TMEM236: variants seen among roughly 807,000 people sequenced by gnomAD.
TMEM236 encodes transmembrane protein 236.
In TMEM236, 11 loss-of-function variants were observed where a neutral mutation model predicts 14.7. The ratio of observed to expected loss-of-function variants is 0.75; its 90% confidence interval spans 0.47 to 1.24. The LOEUF (loss-of-function observed/expected upper bound fraction) is 1.24, where lower values mean the gene tolerates loss of function less well. Ranked by LOEUF, TMEM236 falls within the 50% of genes most tolerant of loss-of-function variation. The pLI, the probability that TMEM236 is intolerant of heterozygous loss-of-function variation, is 0.00. For synonymous variants in TMEM236, 182 were observed against 168.6 expected (o/e 1.08, Z -0.62); for missense variants, 464 against 427.3 (o/e 1.09, Z -0.76).
At chr10:17,762,808 T>C (rs1837398123) in intron 1 of TMEM236, among the ~76,000 whole-genome samples, 1 of 151,418 alleles carries the variant, frequency 6.6e-6, no homozygotes, top group African/African-American at 2.4e-5. Flanking sequence ...GTGTGCACTA[T>C]GACACCTGAC....
At chr10:17,786,354 G>A (rs1486768570) in intron 3 of TMEM236, among the ~76,000 whole-genome samples, 1 of 152,158 alleles carries the variant, frequency 6.6e-6, no homozygotes, top group Admixed American at 6.5e-5. Context: ...ATGTGTGGAT[G>A]TTCTTTTTCT....
chr10:17,785,265 A>G (rs879806090), intron 3 of TMEM236, among the ~76,000 whole-genome samples: 59,448 of 151,896 alleles, frequency 0.39, 12,834 homozygotes, highest in African/African-American at 0.6. Context: ...TGTCTTCACT[A>G]TACATATGCA....
rs1838046189 is a variant in TMEM236, at chr10:17,798,164, A to C, written c.*1660A>C. The stretch of plus-strand genomic sequence containing the variant: ...AGAGGCTGATAATGCAAGAGTAATG[A>C]TTTATGTAGCCAGTTTCTTCAATGA... On this transcript the variant is annotated 3_prime_UTR_variant, in exon 4 of 4. Coordinates refer to ENST00000377495, the MANE Select transcript of TMEM236 (RefSeq NM_001098844.3). The C allele has an allele frequency of 5.0e-6, 1 of 198,718 alleles. No homozygotes were observed. The highest frequency in any genetic ancestry group is 1.0e-5 in the Non-Finnish European group (1 of 96,786). The allele number at this position is 198,718 out of a possible 1,614,324, so 12.3% of individuals were successfully genotyped here.
intron 1 of TMEM236, among the ~76,000 whole-genome samples, chr10:17,764,973 T>C (rs1279292403): frequency 3.3e-5 from 5 of 151,226 alleles, no homozygotes; most frequent in Non-Finnish European, 7.4e-5. Flanking sequence ...AGGCGCGCAC[T>C]ACCATGCCAA....
At chr10:17,771,150 T>A in intron 1 of TMEM236, 159 bp from the exon 2 acceptor site, 1 of 689,658 alleles carries the variant, frequency 1.4e-6, no homozygotes, top group Non-Finnish European at 2.6e-6. Flanking sequence ...CGTGTTCCTC[T>A]TTGCCATATG....
intron 3 of TMEM236, among the ~76,000 whole-genome samples, chr10:17,786,574 C>G (rs1049951355): frequency 1.4e-4 from 21 of 152,298 alleles, no homozygotes; most frequent in African/African-American, 5.1e-4. Context: ...ATAGTAAGGT[C>G]CTATCTAGAA....
rs1272776599 is a variant in TMEM236, at chr10:17,798,731, C to T, written c.*2227C>T. ...AGGTTCTATAACCTCTGTGGGTCCCCGTTTCCACATGTAAAAGATGAACAT... is the reference window on the plus strand; with the variant it reads ...AGGTTCTATAACCTCTGTGGGTCCCTGTTTCCACATGTAAAAGATGAACAT... On this transcript the variant is annotated 3_prime_UTR_variant, in exon 4 of 4. Transcript: ENST00000377495. 12 of 532,818 alleles carry T rather than the reference C, an allele frequency of 2.3e-5. No homozygotes were observed. Among genetic ancestry groups the T allele is most frequent in the African/African-American group, 5.8e-5 (3 of 51,710 alleles). The allele number at this position is 532,818 out of a possible 1,614,324, so 33.0% of individuals were successfully genotyped here.
rs1838002645 is a variant in TMEM236, at chr10:17,795,819, T to C, written c.473-102T>C. On this transcript the variant is annotated intron_variant, in intron 3 of 3. Coordinates refer to ENST00000377495, the MANE Select transcript of TMEM236 (RefSeq NM_001098844.3). ...AAATTAAGTGAAAAACAAAAGAATA[T>C]GGAGAATTCCACCTTTAAATGGAAT... 5.9e-6 allele frequency: 7 copies of C among 1,185,538 alleles called. No individual in the cohort carries two copies. In the African/African-American group the frequency reaches 7.7e-5, roughly 13 times the overall value. The allele number at this position is 1,185,538 out of a possible 1,614,324, so 73.4% of individuals were successfully genotyped here.
In TMEM236 at chr10:17,771,400, C is replaced by T; in HGVS notation, c.330+19C>T. On this transcript the variant is annotated intron_variant, in intron 2 of 3. Coordinates refer to ENST00000377495, the MANE Select transcript of TMEM236 (RefSeq NM_001098844.3). Reference sequence around the variant, plus strand: ...GACTGAGGTATGGAATTTTTGATTTCTTCTGCTACAAGATTATGAGATTTT... The same window carrying T: ...GACTGAGGTATGGAATTTTTGATTTTTTCTGCTACAAGATTATGAGATTTT... 3.1e-6 allele frequency: 5 copies of T among 1,608,120 alleles called. No homozygotes were observed. In the South Asian group the frequency reaches 5.5e-5, roughly 18 times the overall value.
chr10:17,785,307 G>T (rs1387786487), intron 3 of TMEM236, among the ~76,000 whole-genome samples: 1 of 152,146 alleles, frequency 6.6e-6, no homozygotes, highest in African/African-American at 2.4e-5. Flanking sequence ...CAGACTGGAA[G>T]ACAGAACCTG....
intron 3 of TMEM236, among the ~76,000 whole-genome samples, chr10:17,780,378 G>C (rs34816529): frequency 0.073 from 11,110 of 152,180 alleles, 687 homozygotes; most frequent in East Asian, 0.18. Flanking sequence ...TGATTAGAGA[G>C]AGAGTTTTCA....
intron 1 of TMEM236, 39 bp downstream of exon 1, chr10:17,752,591 G>A (rs1589136336): frequency 6.3e-7 from 1 of 1,599,096 alleles, no homozygotes; most frequent in East Asian, 2.2e-5. Context: ...TTTTGATTTG[G>A]AGTCTCGCTC....
At chr10:17,787,817 A>G (rs907216379) in intron 3 of TMEM236, among the ~76,000 whole-genome samples, 6 of 152,162 alleles carry the variant, frequency 3.9e-5, no homozygotes, top group South Asian at 2.1e-4. Context: ...TAAGAATGCA[A>G]TGACTCAGGT....
At chr10:17,786,668 G>C (rs957868512) in intron 3 of TMEM236, among the ~76,000 whole-genome samples, 2 of 152,164 alleles carry the variant, frequency 1.3e-5, no homozygotes, top group South Asian at 2.1e-4. Context: ...GTGCATAGGT[G>C]GGGGGACTGG....
chr10:17,773,749 C>A (rs911464931), intron 2 of TMEM236, among the ~76,000 whole-genome samples: 2 of 152,104 alleles, frequency 1.3e-5, no homozygotes, highest in Non-Finnish European at 2.9e-5. Flanking sequence ...TTTCATCTTG[C>A]CCATTTTTTA....
At chr10:17,791,450 G>A (rs926504643) in intron 3 of TMEM236, among the ~76,000 whole-genome samples, 2 of 152,044 alleles carry the variant, frequency 1.3e-5, no homozygotes, top group East Asian at 1.9e-4. Flanking sequence ...AGAGCAAGAC[G>A]CTGTCTCTAA....
At chr10:17,792,728 G>C (rs1376520891) in intron 3 of TMEM236, among the ~76,000 whole-genome samples, 1 of 152,140 alleles carries the variant, frequency 6.6e-6, no homozygotes, top group Non-Finnish European at 1.5e-5. Context: ...AGGGCCATGT[G>C]AGCCTCTCAG....
rs1837653337 is a variant in TMEM236 at position 17,776,040 on chromosome 10, C to A, written c.342C>A (p.Ser114Arg). Residue 114 changes from serine (S) to arginine (R), a missense_variant, in exon 3 of 4, where the codon AGC (serine) becomes AGA (arginine). Coordinates refer to ENST00000377495, the MANE Select transcript of TMEM236 (RefSeq NM_001098844.3). Reference sequence around the variant, plus strand: ...TTTTCTCTAAACAGGTTCAAAAGAGCATTAATGGGTCCGCTGATGTCTTAC... The same window carrying A: ...TTTTCTCTAAACAGGTTCAAAAGAGAATTAATGGGTCCGCTGATGTCTTAC... ...FSIAVTEVQK[S>R]INGSADVLPD... is the part of the protein sequence containing the mutation. The A allele has an allele frequency of 1.9e-6, 3 of 1,613,710 alleles. No individual in the cohort carries two copies. The highest frequency in any genetic ancestry group is 2.5e-6 in the Non-Finnish European group (3 of 1,179,810).
intron 3 of TMEM236, among the ~76,000 whole-genome samples, chr10:17,791,328 C>T (rs1837921326): frequency 6.6e-6 from 1 of 150,502 alleles, no homozygotes; most frequent in African/African-American, 2.4e-5. Flanking sequence ...TGTGGTGGTG[C>T]AAGCCTGTAG....
Sources: gnomAD v4.1 joint callset for allele counts (sites outside exome capture counted in the v4.1 genomes callset) on GRCh38, gnomAD v4.1.1 for gene constraint, MANE v1.5 for transcripts, NCBI Gene and HGNC (gene_info 2026-07-23, HGNC 2026-07-21) for gene names.